Variants in TOLLIP observed in about 807,000 individuals in gnomAD.
The protein encoded by TOLLIP is toll interacting protein.
TOLLIP carries 16 observed loss-of-function variants against 33.5 expected under a neutral mutation model. The observed-to-expected ratio is 0.48, with a 90% CI of 0.32 to 0.72. The LOEUF (loss-of-function observed/expected upper bound fraction) is 0.72. Among genes scored for constraint, TOLLIP ranks in the 30% least tolerant of loss-of-function variants. The pLI is 0.03. For missense variants in TOLLIP, 325 were observed against 396.6 expected (o/e 0.82, Z 1.53); for synonymous variants, 176 against 163.7 (o/e 1.07, Z -0.57).
intron 1 of TOLLIP, among the ~76,000 whole-genome samples, chr11:1,306,789 C>A (rs1179089658): frequency 6.6e-6 from 1 of 152,042 alleles, no homozygotes; most frequent in Non-Finnish European, 1.5e-5. Context: ...GACCCTCCGG[C>A]GGCCTCCAGC....
intron 4 of TOLLIP, among the ~76,000 whole-genome samples, chr11:1,287,406 G>A (rs1375940401): frequency 4.1e-5 from 5 of 123,334 alleles, no homozygotes; most frequent in Admixed American, 8.2e-5. Context: ...CCTCCCCGCC[G>A]CAGCCTCCCC....
Position 1,290,030 on chromosome 11 carries a change from T to C in TOLLIP, c.366+197A>G, listed in dbSNP as rs1350601118. The C allele has an allele frequency of 3.4e-6, 2 of 590,556 alleles. No individual in the cohort carries two copies. The highest frequency in any genetic ancestry group is 3.0e-5 in the Admixed American group (1 of 33,322). 36.6% of individuals were successfully genotyped at this position (590,556 alleles called of 1,614,324 possible). Reference sequence around the variant, plus strand: ...CTGGGGATGTTTCCAAATGTAAGTATGTTCAAGGAGCTGGAAACAATCCCT... The same window carrying C: ...CTGGGGATGTTTCCAAATGTAAGTACGTTCAAGGAGCTGGAAACAATCCCT... On this transcript the variant is annotated intron_variant, in intron 3 of 5. Transcript: ENST00000317204. The surrounding 1 kb of genome is among the most constrained non-coding windows in gnomAD (Gnocchi z 4.9).
In TOLLIP at chr11:1,275,585, GA is replaced by G. The variant is rs1432887118; in HGVS notation, c.*1453del. 1 of 152,128 alleles carries G rather than the reference GA, an allele frequency of 6.6e-6. No individual in the cohort carries two copies. The highest frequency in any genetic ancestry group is 6.5e-5 in the Admixed American group (1 of 15,272). The allele number at this position is 152,128 out of a possible 1,614,324, so 9.4% of individuals were successfully genotyped here. ...TCAAAGGCCTTTAGGACCCACAGCT[GA>G]AGAAGGCGCCTGCTGCCAGCATGTC... On this transcript the variant is annotated 3_prime_UTR_variant, in exon 6 of 6. Coordinates refer to ENST00000317204, the MANE Select transcript of TOLLIP (RefSeq NM_019009.4).
At chr11:1,307,868 C>G (rs1471381664) in intron 1 of TOLLIP, among the ~76,000 whole-genome samples, 2 of 152,296 alleles carry the variant, frequency 1.3e-5, no homozygotes, top group East Asian at 3.9e-4. Context: ...CAGCTATGCC[C>G]AAAACCTGGG....
chr11:1,309,143 CTGGGGCACCA>C (rs1864513474), intron 1 of TOLLIP, among the ~76,000 whole-genome samples: 1 of 149,844 alleles, frequency 6.7e-6, no homozygotes, highest in African/African-American at 2.5e-5. Flanking sequence ...CTGCCTCCCT[CTGGGGCACCA>C]TGGGGCACGG....
chr11:1,289,899 C>G (rs954865579), intron 3 of TOLLIP, among the ~76,000 whole-genome samples: 2 of 149,562 alleles, frequency 1.3e-5, no homozygotes, highest in African/African-American at 4.9e-5. Flanking sequence ...GGAGGGGACA[C>G]GTGCACGCTC....
At chr11:1,295,885 G>A (rs1017956594) in intron 1 of TOLLIP, 91 bp from the exon 2 acceptor site, 9 of 1,430,378 alleles carry the variant, frequency 6.3e-6, no homozygotes, top group African/African-American at 4.3e-5. Context: ...CCGCGGCCCC[G>A]CCCCCACCCA....
intron 2 of TOLLIP, among the ~76,000 whole-genome samples, chr11:1,293,662 A>G (rs776278589): frequency 2.0e-5 from 3 of 152,246 alleles, no homozygotes; most frequent in Non-Finnish European, 4.4e-5. Context: ...GGTGGGCTCC[A>G]GGGTGCGGGA....
chr11:1,295,867 C>T lies in TOLLIP; in HGVS notation c.34-73G>A, dbSNP rs565950482. 35 of 1,476,774 alleles carry T rather than the reference C, an allele frequency of 2.4e-5. No individual in the cohort carries two copies. The South Asian group carries it at 2.4e-4, about 10-fold the overall frequency. 91.5% of individuals were successfully genotyped at this position (1,476,774 alleles called of 1,614,324 possible). A position where few individuals can be genotyped will look rare whatever the true frequency, so the allele number is the denominator to read the frequency against. On this transcript the variant is annotated intron_variant, in intron 1 of 5. Coordinates refer to ENST00000317204, the MANE Select transcript of TOLLIP (RefSeq NM_019009.4). Reference sequence around the variant, plus strand: ...AAAGCAGCCCGACAGCAGCTGCCCCCGGCATTCCCGCGGCCCCGCCCCCAC... The same window carrying T: ...AAAGCAGCCCGACAGCAGCTGCCCCTGGCATTCCCGCGGCCCCGCCCCCAC...
At chr11:1,308,753 G>A (rs960175466) in intron 1 of TOLLIP, among the ~76,000 whole-genome samples, 1 of 152,222 alleles carries the variant, frequency 6.6e-6, no homozygotes, top group African/African-American at 2.4e-5. Flanking sequence ...TTGGGCCCAA[G>A]AAGTGGTCAC....
intron 1 of TOLLIP, among the ~76,000 whole-genome samples, chr11:1,299,074 T>C (rs958710617): frequency 6.6e-6 from 1 of 152,170 alleles, no homozygotes; most frequent in Non-Finnish European, 1.5e-5. Context: ...GCCACAGCTG[T>C]GAGAGCTGTT....
intron 1 of TOLLIP, among the ~76,000 whole-genome samples, chr11:1,307,953 T>C (rs5743861): frequency 0.023 from 3,452 of 152,266 alleles, 55 homozygotes; most frequent in Non-Finnish European, 0.033. Flanking sequence ...GACTTGTGGA[T>C]ACAGTGTTAA....
At chr11:1,283,478 G>A in intron 5 of TOLLIP, 3 of 320,026 alleles carry the variant, frequency 9.4e-6, no homozygotes, top group Non-Finnish European at 1.8e-5. Context: ...CCTGGGCATG[G>A]GGGCTGGGGG....
intron 1 of TOLLIP, among the ~76,000 whole-genome samples, chr11:1,307,832 G>A (rs953622600): frequency 2.0e-5 from 3 of 152,198 alleles, no homozygotes; most frequent in African/African-American, 4.8e-5. Context: ...GTGTCAGGAG[G>A]TTTCCTTCAA....
In TOLLIP at chr11:1,276,574, C is replaced by T. The variant is rs1374509784; in HGVS notation, c.*465G>A. 10 of 976,992 alleles carry T rather than the reference C, an allele frequency of 1.0e-5. No individual in the cohort carries two copies. Among genetic ancestry groups the T allele is most frequent in the South Asian group, 3.0e-5 (2 of 67,740 alleles). 60.5% of individuals were successfully genotyped at this position (976,992 alleles called of 1,614,324 possible). The stretch of plus-strand genomic sequence containing the variant: ...ACAGCAAAGCGCGTTAGGGCAAGGG[C>T]GTGAGTTTTCGTCTGGGAAGTTCTA... On this transcript the variant is annotated 3_prime_UTR_variant, in exon 6 of 6. Coordinates refer to ENST00000317204, the MANE Select transcript of TOLLIP (RefSeq NM_019009.4).
chr11:1,306,560 T>C (rs1864428576), intron 1 of TOLLIP, among the ~76,000 whole-genome samples: 1 of 152,062 alleles, frequency 6.6e-6, no homozygotes, highest in Non-Finnish European at 1.5e-5. Flanking sequence ...ACATGATAAA[T>C]ACTGTGTCAA....
intron 5 of TOLLIP, chr11:1,283,445 C>A (rs1190522268): frequency 9.3e-6 from 4 of 430,884 alleles, no homozygotes; most frequent in Non-Finnish European, 1.8e-5. Context: ...GCCAGGGACG[C>A]CCCTGCTTAT....
chr11:1,300,908 A>T (rs1343588792), intron 1 of TOLLIP, among the ~76,000 whole-genome samples: 1 of 151,994 alleles, frequency 6.6e-6, no homozygotes, highest in Non-Finnish European at 1.5e-5. Flanking sequence ...CACCGTTCCC[A>T]CCCCATGACG....
intron 1 of TOLLIP, among the ~76,000 whole-genome samples, chr11:1,299,093 G>A (rs993219042): frequency 1.3e-5 from 2 of 152,268 alleles, no homozygotes; most frequent in Non-Finnish European, 2.9e-5. Flanking sequence ...TTCCCGGGGA[G>A]GGGAGCGTCG....
Sources: allele counts gnomAD v4.1 joint callset (sites outside exome capture counted in the v4.1 genomes callset), GRCh38; gene constraint gnomAD v4.1.1; non-coding constraint Gnocchi (gnomAD v3.1); transcripts MANE v1.5; gene names NCBI Gene and HGNC (gene_info 2026-07-23, HGNC 2026-07-21).